Variants in ELMOD1 observed in about 807,000 individuals in gnomAD.
The protein encoded by ELMOD1 is ELMO domain containing 1, also known as ELMO domain-containing protein 1.
A neutral mutation model predicts 46.7 loss-of-function variants in ELMOD1; 21 were observed. That is an observed-to-expected ratio of 0.45 (90% CI 0.32 to 0.65). The LOEUF is 0.65. Among genes scored for constraint, ELMOD1 ranks in the 30% least tolerant of loss-of-function variants. The pLI is 0.04. For synonymous variants in ELMOD1, 122 were observed against 138.2 expected, an observed-to-expected ratio of 0.88 and a Z score of 0.82; for missense variants, 348 against 407.8, an observed-to-expected ratio of 0.85 and a Z score of 1.26.
chr11:107,599,755 A>AG (rs1555058611), intron 1 of ELMOD1, among the ~76,000 whole-genome samples: 1 of 138,824 alleles, frequency 7.2e-6, no homozygotes, highest in African/African-American at 3.0e-5. Flanking sequence ...AAAAAAAGAA[A>AG]AAAAGAAAAG....
intron 6 of ELMOD1, among the ~76,000 whole-genome samples, chr11:107,646,481 T>A (rs892239201): frequency 2.0e-5 from 3 of 152,260 alleles, no homozygotes; most frequent in Non-Finnish European, 4.4e-5. Flanking sequence ...ACACCTGTAA[T>A]CCCAGCACTT....
At chr11:107,655,004 A>G (rs12222366) in intron 10 of ELMOD1, among the ~76,000 whole-genome samples, 1 of 152,310 alleles carries the variant, frequency 6.6e-6, no homozygotes, top group East Asian at 1.9e-4. Context: ...TAGAAAATAT[A>G]CACTGTGTTA....
intron 9 of ELMOD1, among the ~76,000 whole-genome samples, chr11:107,652,515 A>G (rs1234336207): frequency 6.6e-6 from 1 of 152,228 alleles, no homozygotes; most frequent in African/African-American, 2.4e-5. Flanking sequence ...TATATTTCCA[A>G]TGCAGATAGA....
chr11:107,602,514 A>C (rs986937563), intron 1 of ELMOD1, among the ~76,000 whole-genome samples: 5 of 152,118 alleles, frequency 3.3e-5, no homozygotes, highest in African/African-American at 1.2e-4. Flanking sequence ...CTTCTGGCAG[A>C]TTCCCTCAAA....
intron 11 of ELMOD1, among the ~76,000 whole-genome samples, chr11:107,661,885 T>C (rs1866745430): frequency 6.6e-6 from 1 of 152,182 alleles, no homozygotes; most frequent in Non-Finnish European, 1.5e-5. Flanking sequence ...ATTCTTTTGG[T>C]TGGTTGAATA....
intron 6 of ELMOD1, among the ~76,000 whole-genome samples, chr11:107,642,181 A>G (rs991203571): frequency 1.3e-5 from 2 of 151,860 alleles, no homozygotes; most frequent in East Asian, 3.9e-4. Context: ...TGACCTCATG[A>G]TCCACCTGCC....
intron 5 of ELMOD1, 44 bp downstream of exon 5, chr11:107,631,721 C>A: frequency 9.1e-7 from 1 of 1,103,174 alleles, no homozygotes; most frequent in Non-Finnish European, 1.3e-6. Flanking sequence ...ACACAAATCA[C>A]ATGGCCACAG....
At chr11:107,629,106 C>T (rs1020959058) in intron 2 of ELMOD1, among the ~76,000 whole-genome samples, 1 of 152,100 alleles carries the variant, frequency 6.6e-6, no homozygotes, top group Non-Finnish European at 1.5e-5. Flanking sequence ...CTTTCCATTT[C>T]CTTTGCATTT....
At chr11:107,652,875 CTT>C (rs1196318702) in intron 9 of ELMOD1, among the ~76,000 whole-genome samples, 1 of 152,106 alleles carries the variant, frequency 6.6e-6, no homozygotes, top group Non-Finnish European at 1.5e-5. Flanking sequence ...ATATGCATGT[CTT>C]GTAATAAAAT....
At chr11:107,593,660 G>A (rs614759) in intron 1 of ELMOD1, among the ~76,000 whole-genome samples, 1 of 152,018 alleles carries the variant, frequency 6.6e-6, no homozygotes, top group Non-Finnish European at 1.5e-5. Context: ...CAAATAAAAA[G>A]GTGGGCTGCC....
At chr11:107,631,700 A>G in intron 5 of ELMOD1, 23 bp downstream of exon 5, 2 of 1,317,984 alleles carry the variant, frequency 1.5e-6, no homozygotes, top group Non-Finnish European at 1.1e-6. Context: ...TTCTTATGTC[A>G]AAAATACAGA....
intron 2 of ELMOD1, chr11:107,620,027 T>C (rs1273587269): frequency 6.6e-6 from 1 of 152,236 alleles, no homozygotes; most frequent in Non-Finnish European, 1.5e-5. Context: ...GTTGATTTAT[T>C]TTCTGTAGTC....
rs904017332 is a variant in ELMOD1 at position 107,658,440 on chromosome 11, T to C, written c.832+2374T>C. 2.6e-4 allele frequency among the ~76,000 whole-genome samples: 40 copies of C among 152,216 alleles called. 1 individual carries two copies. Among genetic ancestry groups the C allele is most frequent in the African/African-American group, 9.6e-4 (40 of 41,456 alleles). On this transcript the variant is annotated intron_variant, in intron 11 of 11. Transcript: ENST00000265840. ...AATTGGATGATTATATTCACTCCTATAAAAATTCTGAGCATCTCCAACAAA... is the reference window on the plus strand; with the variant it reads ...AATTGGATGATTATATTCACTCCTACAAAAATTCTGAGCATCTCCAACAAA...
intron 5 of ELMOD1, among the ~76,000 whole-genome samples, chr11:107,633,425 A>G (rs1397100943): frequency 6.6e-6 from 1 of 152,020 alleles, no homozygotes; most frequent in Non-Finnish European, 1.5e-5. Context: ...GAGAAAATTT[A>G]TTTATTTATT....
At chr11:107,657,005 T>C (rs566867555) in intron 11 of ELMOD1, among the ~76,000 whole-genome samples, 1 of 152,130 alleles carries the variant, frequency 6.6e-6, no homozygotes, top group East Asian at 1.9e-4. Context: ...GGAAGGGGAA[T>C]CAAAGAAATA....
chr11:107,633,275 T>C (rs1866172428), intron 5 of ELMOD1, among the ~76,000 whole-genome samples: 1 of 152,216 alleles, frequency 6.6e-6, no homozygotes, highest in South Asian at 2.1e-4. Flanking sequence ...AAAAATTAAG[T>C]ACTTTTCTGA....
chr11:107,592,398 G>A (rs778857507), intron 1 of ELMOD1: 5 of 534,400 alleles, frequency 9.4e-6, no homozygotes, highest in Non-Finnish European at 1.9e-5. Flanking sequence ...GACCAATTTT[G>A]GGCAGGCATC....
At chr11:107,603,365 C>T (rs913628265) in intron 1 of ELMOD1, among the ~76,000 whole-genome samples, 3 of 152,052 alleles carry the variant, frequency 2.0e-5, no homozygotes, top group Non-Finnish European at 2.9e-5. Context: ...ATGGCAAAAC[C>T]ACATCTCTAC....
At chr11:107,597,473 A>G (rs1353677091) in intron 1 of ELMOD1, among the ~76,000 whole-genome samples, 1 of 152,178 alleles carries the variant, frequency 6.6e-6, no homozygotes, top group Admixed American at 6.5e-5. Context: ...AAAAAATATA[A>G]CATACTGTAC....
Sources: gnomAD v4.1 joint callset for allele counts (sites outside exome capture counted in the v4.1 genomes callset) on GRCh38, gnomAD v4.1.1 for gene constraint, MANE v1.5 for transcripts, NCBI Gene and HGNC (gene_info 2026-07-23, HGNC 2026-07-21) for gene names.